GAD1: variants seen among roughly 807,000 people sequenced by gnomAD.
The protein encoded by GAD1 is 67 kDa glutamic acid decarboxylase.
Under a neutral mutation model 75.2 loss-of-function variants are expected in GAD1, and 35 were observed. That is an observed-to-expected ratio of 0.47 (90% CI 0.36 to 0.62). The LOEUF (loss-of-function observed/expected upper bound fraction) is 0.62, where lower values mean the gene tolerates loss of function less well. Among genes scored for constraint, GAD1 ranks in the 20% least tolerant of loss-of-function variants. The probability of loss-of-function intolerance (pLI) is 0.00; values close to 1 mark genes in which losing one functional copy is unlikely to be tolerated. For synonymous variants in GAD1, 257 were observed against 271.9 expected (o/e 0.95, Z 0.54); for missense variants, 490 against 758.5 (o/e 0.65, Z 4.16).
At chr2:170,829,291 G>T (rs970547693) in intron 3 of GAD1, 184 bp from the exon 4 acceptor site, 1 of 647,792 alleles carries the variant, frequency 1.5e-6, no homozygotes, top group Non-Finnish European at 2.7e-6. Flanking sequence ...GATGACATTT[G>T]GCACTGCCCC....
At chr2:170,848,647 ATT>A (rs35403424) in intron 11 of GAD1, 75 of 460,416 alleles carry the variant, frequency 1.6e-4, no homozygotes, top group Middle Eastern at 3.4e-4. Context: ...GACTGGGTGT[ATT>A]TTTTTTTTTC....
chr2:170,847,701 C>T lies in GAD1; in HGVS notation c.1028C>T (p.Ala343Val). Residue 343 changes from alanine (A) to valine (V), a missense_variant, in exon 11 of 17, where the codon GCA becomes GTA. Physicochemically the swap from Ala to Val is moderately conservative, Grantham distance 64. This residue lies in a region of GAD1 where 324 missense variants were observed against 523.9 expected (regional missense o/e 0.62). Transcript: ENST00000358196. Reference protein sequence around the residue: ...QKGYVPFYVNATAGTTVYGAF... With the variant: ...QKGYVPFYVNVTAGTTVYGAF... ...GGATATGTTCCCTTTTATGTCAATG[C>T]AACTGCTGGCACGACTGTTTATGGA... The T allele has an allele frequency of 6.2e-7, 1 of 1,613,766 alleles. No individual in the cohort carries two copies. The highest frequency in any genetic ancestry group is 8.5e-7 in the Non-Finnish European group (1 of 1,179,616).
intron 5 of GAD1, among the ~76,000 whole-genome samples, chr2:170,832,654 G>A (rs866981780): frequency 0.024 from 626 of 25,958 alleles, no homozygotes; most frequent in Non-Finnish European, 0.082. Flanking sequence ...GCACACATGC[G>A]CGCGCGCGCG....
At chr2:170,829,139 T>C (rs1196045160) in intron 3 of GAD1, 4 of 384,562 alleles carry the variant, frequency 1.0e-5, no homozygotes, top group Non-Finnish European at 1.5e-5. Context: ...TTGTGTCTCC[T>C]CCTTTAAAGC....
rs372091485 is a variant in GAD1 at position 170,847,808 on chromosome 2, C to T, written c.1119+16C>T. 7.1e-6 allele frequency: 11 copies of T among 1,554,068 alleles called. No individual in the cohort carries two copies. In the African/African-American group the frequency reaches 1.4e-4, roughly 19 times the overall value. ...GCATGTCGATGTAAGTGCTATATAA[C>T]TCAGGCCAGTCCATGTGGGGGGTGG... On this transcript the variant is annotated intron_variant, in intron 11 of 16. Transcript: ENST00000358196.
At position 170,843,149 on chromosome 2, in the gene GAD1, G is replaced by A. The variant is rs566777367; in HGVS notation, c.639-896G>A. On this transcript the variant is annotated intron_variant, in intron 6 of 16. Transcript: ENST00000358196. ...TTTGTTTTCTGGCTTAATTTTCTGT[G>A]GACAGACCTTCCTTGATTTTTCTTA... 7.9e-5 allele frequency among the ~76,000 whole-genome samples: 12 copies of A among 152,306 alleles called. No homozygotes were observed. The South Asian group carries it at 1.7e-3, about 21-fold the overall frequency.
chr2:170,852,681 G>T (rs748707519), intron 12 of GAD1, 33 bp from the exon 13 acceptor site: 17 of 1,592,876 alleles, frequency 1.1e-5, no homozygotes, highest in Non-Finnish European at 1.5e-5. Flanking sequence ...TCCAACTCCT[G>T]CACCTTCTCG....
At chr2:170,828,732 A>AC (rs1702126635) in intron 3 of GAD1, among the ~76,000 whole-genome samples, 2 of 66,734 alleles carry the variant, frequency 3.0e-5, no homozygotes, top group Non-Finnish European at 5.7e-5. Context: ...TGCTGTCCTC[A>AC]CCCTCCTCCC....
At chr2:170,835,362 T>G (rs1344442941) in intron 5 of GAD1, among the ~76,000 whole-genome samples, 4 of 152,220 alleles carry the variant, frequency 2.6e-5, no homozygotes, top group African/African-American at 9.6e-5. Flanking sequence ...AAAAAATAAT[T>G]CTTTCCTTCT....
intron 2 of GAD1, among the ~76,000 whole-genome samples, chr2:170,820,744 G>C (rs1701855367): frequency 6.6e-6 from 1 of 152,148 alleles, no homozygotes; most frequent in African/African-American, 2.4e-5. Context: ...TTGAAAGGCA[G>C]TGCAATGTGT....
intron 14 of GAD1, among the ~76,000 whole-genome samples, chr2:170,855,831 C>T (rs1039185597): frequency 1.4e-4 from 20 of 143,418 alleles, no homozygotes; most frequent in Non-Finnish European, 2.1e-4. Context: ...CGAGATCATG[C>T]CACTGCACTC....
At position 170,836,744 on chromosome 2, in the gene GAD1, A is replaced by G. The variant is rs367649697; in HGVS notation, c.548-49A>G. The G allele has an allele frequency of 1.6e-5, 22 of 1,373,404 alleles. No homozygotes were observed. The African/African-American group carries it at 3.0e-4, about 19-fold the overall frequency. The allele number at this position is 1,373,404 out of a possible 1,614,324, so 85.1% of individuals were successfully genotyped here. A position where few individuals can be genotyped will look rare whatever the true frequency, so the allele number is the denominator to read the frequency against. On this transcript the variant is annotated intron_variant, in intron 5 of 16. Coordinates refer to ENST00000358196, the MANE Select transcript of GAD1 (RefSeq NM_000817.3). ...GGGGCAGGCCGTTTGCCTTCAAGAT[A>G]GGTTGAGAAATCTGCATTTGCCTTG...
chr2:170,837,204 G>T (rs545942682), intron 6 of GAD1, among the ~76,000 whole-genome samples: 1 of 152,210 alleles, frequency 6.6e-6, no homozygotes, highest in South Asian at 2.1e-4. Flanking sequence ...GTATGATCTT[G>T]GTTTTACCTT....
At chr2:170,855,441 C>A (rs1702830386) in intron 14 of GAD1, among the ~76,000 whole-genome samples, 2 of 151,860 alleles carry the variant, frequency 1.3e-5, no homozygotes, top group Non-Finnish European at 2.9e-5. Flanking sequence ...CTCCTGACCC[C>A]AAGTGATCCA....
intron 12 of GAD1, among the ~76,000 whole-genome samples, 181 bp downstream of exon 12, chr2:170,849,531 C>G (rs1348364161): frequency 6.6e-6 from 1 of 152,130 alleles, no homozygotes; most frequent in Non-Finnish European, 1.5e-5. Context: ...CAAATGAGTC[C>G]TGAAGGAGTT....
intron 2 of GAD1, chr2:170,821,878 A>G: frequency 1.7e-6 from 1 of 580,556 alleles, no homozygotes. Flanking sequence ...CCATATTTGA[A>G]GCCAGGAGCA....
intron 10 of GAD1, among the ~76,000 whole-genome samples, chr2:170,847,302 A>AT (rs1702653697): frequency 6.6e-6 from 1 of 152,108 alleles, no homozygotes; most frequent in Admixed American, 6.5e-5. Flanking sequence ...TTCCTGCTTT[A>AT]TTTTTTGCCA....
chr2:170,822,225 C>A, intron 3 of GAD1, 76 bp downstream of exon 3: 1 of 1,222,924 alleles, frequency 8.2e-7, no homozygotes, highest in Non-Finnish European at 1.2e-6. Flanking sequence ...GACTGGGACG[C>A]AAGCGGAGGG....
chr2:170,818,441 G>T lies in GAD1; in HGVS notation c.-63-88G>T. On this transcript the variant is annotated intron_variant, in intron 1 of 16. Transcript: ENST00000358196. This position sits in a 1 kb window ranked among gnomAD's most constrained non-coding sequence, Gnocchi z 5.9. ...GTCTCTCCAGAGCCGGATCTTCAAG[G>T]GGAGCCTCCGTGCCCCCGGCTGCTC... is the stretch of plus-strand genomic sequence containing the variant. 1 of 750,178 alleles carries T rather than the reference G, an allele frequency of 1.3e-6. No individual in the cohort carries two copies. The highest frequency in any genetic ancestry group is 2.4e-6 in the Non-Finnish European group (1 of 412,978). The allele number at this position is 750,178 out of a possible 1,614,324, so 46.5% of individuals were successfully genotyped here. A position where few individuals can be genotyped will look rare whatever the true frequency, so the allele number is the denominator to read the frequency against.
Sources: gnomAD v4.1 joint callset for allele counts (sites outside exome capture counted in the v4.1 genomes callset) on GRCh38, gnomAD v4.1.1 for gene constraint, gnomAD v4.1.1 regional missense constraint, Gnocchi (gnomAD v3.1) non-coding constraint, MANE v1.5 for transcripts, NCBI Gene and HGNC (gene_info 2026-07-23, HGNC 2026-07-21) for gene names.